The following ZFAT variants were observed in gnomAD, a reference collection of about 807,000 sequenced individuals.
ZFAT encodes zinc finger and AT-hook domain containing, also known as zinc finger protein ZFAT.
ZFAT carries 64 observed loss-of-function variants against 117.7 expected under a neutral mutation model. That is an observed-to-expected ratio of 0.54 (90% CI 0.44 to 0.67). The LOEUF (loss-of-function observed/expected upper bound fraction) is 0.67, where lower values mean the gene tolerates loss of function less well. Ranked by LOEUF, ZFAT falls within the 30% of genes least tolerant of loss-of-function variation. The pLI, the probability that ZFAT is intolerant of heterozygous loss-of-function variation, is 0.00. For synonymous variants in ZFAT, 679 were observed against 615.0 expected, an observed-to-expected ratio of 1.10 and a Z score of -1.54; for missense variants, 1,433 against 1,584.5, an observed-to-expected ratio of 0.90 and a Z score of 1.62.
At chr8:134,704,628 G>A (rs1834099928) in intron 1 of ZFAT, among the ~76,000 whole-genome samples, 1 of 152,190 alleles carries the variant, frequency 6.6e-6, no homozygotes, top group South Asian at 2.1e-4. Flanking sequence ...TAAAGCTGTA[G>A]TAATCAAGGC....
At chr8:134,664,811 C>T (rs1390189711) in intron 1 of ZFAT, among the ~76,000 whole-genome samples, 4 of 152,182 alleles carry the variant, frequency 2.6e-5, no homozygotes, top group African/African-American at 9.7e-5. Flanking sequence ...GATGAAGATG[C>T]TATAATTTGG....
chr8:134,742,318 A>T, the ZFAT span, among the ~76,000 whole-genome samples: 1 of 152,264 alleles, frequency 6.6e-6, no homozygotes, highest in Admixed American at 6.5e-5. Context: ...GACCTGTCTT[A>T]CTAAATTAAG....
chr8:134,756,415 G>A, the ZFAT span, among the ~76,000 whole-genome samples: 4 of 152,320 alleles, frequency 2.6e-5, no homozygotes, highest in South Asian at 2.1e-4. Context: ...ACACAGTCAC[G>A]GAGTGAGTAA....
chr8:134,627,831 T>G (rs893332140), intron 3 of ZFAT, among the ~76,000 whole-genome samples: 4 of 152,176 alleles, frequency 2.6e-5, no homozygotes, highest in African/African-American at 9.7e-5. Flanking sequence ...CTTGGTCTGT[T>G]TGTGCCGAAT....
At chr8:134,499,692 C>T (rs1381098464) in intron 15 of ZFAT, among the ~76,000 whole-genome samples, 6 of 152,174 alleles carry the variant, frequency 3.9e-5, no homozygotes, top group Non-Finnish European at 8.8e-5. Context: ...GTGGAGCCAG[C>T]GACTCTGCAT....
intron 1 of ZFAT, among the ~76,000 whole-genome samples, chr8:134,712,621 TGC>T (rs1481277159): frequency 2.5e-5 from 2 of 79,806 alleles, no homozygotes; most frequent in African/African-American, 5.6e-5. Context: ...GCTCCCGCCT[TGC>T]TTTTTTTTTT....
chr8:134,619,012 C>A (rs1373826816), intron 3 of ZFAT, among the ~76,000 whole-genome samples: 1 of 152,200 alleles, frequency 6.6e-6, no homozygotes, highest in Non-Finnish European at 1.5e-5. Context: ...TGGTAGAGTG[C>A]AGGCCTTTGG....
At chr8:134,638,549 C>CAAAAAAAACAAA (rs1830373881) in intron 2 of ZFAT, among the ~76,000 whole-genome samples, 1 of 101,076 alleles carries the variant, frequency 9.9e-6, no homozygotes, top group Non-Finnish European at 2.1e-5. Context: ...ACTAAAAATA[C>CAAAAAAAACAAA]AAAAAAAAAA....
At chr8:134,746,367 G>C in the ZFAT span, among the ~76,000 whole-genome samples, 3 of 152,176 alleles carry the variant, frequency 2.0e-5, no homozygotes, top group Non-Finnish European at 4.4e-5. Context: ...AAGACTGTTT[G>C]TGCTATGTCT....
At chr8:134,705,970 G>A (rs921893832) in intron 1 of ZFAT, among the ~76,000 whole-genome samples, 2 of 152,192 alleles carry the variant, frequency 1.3e-5, no homozygotes, top group East Asian at 1.9e-4. Context: ...AGATACCACT[G>A]CATATCCTCT....
chr8:134,583,738 C>T, intron 10 of ZFAT, 94 bp downstream of exon 10: 1 of 1,469,998 alleles, frequency 6.8e-7, no homozygotes. Context: ...AGTGCTCTTT[C>T]CTGCCTCTGG....
chr8:134,639,044 T>C (rs1364108042), intron 2 of ZFAT, among the ~76,000 whole-genome samples: 3 of 152,214 alleles, frequency 2.0e-5, no homozygotes, highest in Non-Finnish European at 4.4e-5. Context: ...TCTAAAGCTG[T>C]TGCTCTGCAC....
chr8:134,610,117 G>A (rs777066452), intron 4 of ZFAT, among the ~76,000 whole-genome samples: 7 of 152,244 alleles, frequency 4.6e-5, no homozygotes, highest in Non-Finnish European at 1.0e-4. Flanking sequence ...ATGCAGGACA[G>A]CATGGCTGAG....
intron 11 of ZFAT, among the ~76,000 whole-genome samples, chr8:134,553,928 T>G (rs1193646389): frequency 6.6e-6 from 1 of 152,214 alleles, no homozygotes; most frequent in African/African-American, 2.4e-5. Flanking sequence ...GAAGGTCTTG[T>G]GCTGTAGGAT....
At chr8:134,816,980 CAAAAA>C in the ZFAT span, among the ~76,000 whole-genome samples, 1 of 67,262 alleles carries the variant, frequency 1.5e-5, no homozygotes. Context: ...GACTCCATCT[CAAAAA>C]AAAAAAAAAA....
the ZFAT span, among the ~76,000 whole-genome samples, chr8:134,754,639 G>C: frequency 1.3e-5 from 2 of 152,234 alleles, no homozygotes; most frequent in Non-Finnish European, 2.9e-5. Flanking sequence ...ATAGTAGGAG[G>C]CCTCTGCTGT....
the ZFAT span, among the ~76,000 whole-genome samples, chr8:134,724,904 TGGA>T: frequency 6.6e-6 from 1 of 152,144 alleles, no homozygotes; most frequent in Non-Finnish European, 1.5e-5. Context: ...TTCTCACCCA[TGGA>T]AGTCCTTGGC....
chr8:134,568,925 T>C (rs1209289465), intron 10 of ZFAT, among the ~76,000 whole-genome samples: 1 of 152,176 alleles, frequency 6.6e-6, no homozygotes, highest in African/African-American at 2.4e-5. Context: ...CAGAGTCAAC[T>C]GCAAAACCTA....
chr8:134,704,342 A>G (rs1239834059), intron 1 of ZFAT, among the ~76,000 whole-genome samples: 1 of 152,076 alleles, frequency 6.6e-6, no homozygotes, highest in East Asian at 1.9e-4. Flanking sequence ...CACGTAGGAA[A>G]CCTGCAGAGT....
Sources: gnomAD v4.1 joint callset for allele counts (sites outside exome capture counted in the v4.1 genomes callset) on GRCh38, gnomAD v4.1.1 for gene constraint, MANE v1.5 for transcripts, NCBI Gene and HGNC (gene_info 2026-07-23, HGNC 2026-07-21) for gene names.